The following NAV2 variants were observed in gnomAD, a reference collection of about 807,000 sequenced individuals.
NAV2 encodes neuron navigator 2, also known as helicase, APC down-regulated 1.
NAV2 carries 54 observed loss-of-function variants against 223.2 expected under a neutral mutation model. That is an observed-to-expected ratio of 0.24 (90% CI 0.19 to 0.30). The LOEUF is 0.30. Among genes scored for constraint, NAV2 ranks in the 10% least tolerant of loss-of-function variants. The pLI, the probability that NAV2 is intolerant of heterozygous loss-of-function variation, is 1.00. For synonymous variants in NAV2, 1,279 were observed against 1,239.3 expected, an observed-to-expected ratio of 1.03 and a Z score of -0.67; for missense variants, 2,806 against 3,147.5, an observed-to-expected ratio of 0.89 and a Z score of 2.60.
At chr11:19,920,435 G>A (rs1275959323) in intron 6 of NAV2, among the ~76,000 whole-genome samples, 3 of 152,108 alleles carry the variant, frequency 2.0e-5, no homozygotes, top group African/African-American at 4.8e-5. Flanking sequence ...TTACAGGCGT[G>A]TGCCACCACG....
intron 1 of NAV2, among the ~76,000 whole-genome samples, chr11:19,422,020 G>T (rs770125838): frequency 1.3e-5 from 2 of 152,252 alleles, no homozygotes; most frequent in Admixed American, 6.5e-5. Context: ...GCATCATGGG[G>T]TTGTTATAAG....
At chr11:19,582,393 T>G (rs551237978) in intron 1 of NAV2, among the ~76,000 whole-genome samples, 2,874 of 152,064 alleles carry the variant, frequency 0.019, 45 homozygotes, top group Non-Finnish European at 0.026. Flanking sequence ...GTCAATTTTG[T>G]CTTTTGTTGC....
chr11:20,092,173 C>T, intron 27 of NAV2, 33 bp from the exon 28 acceptor site: 1 of 1,596,574 alleles, frequency 6.3e-7, no homozygotes, highest in Non-Finnish European at 8.6e-7. Context: ...TTACTTCTGC[C>T]TACTAAGGGA....
At chr11:19,757,114 C>T (rs971760293) in intron 1 of NAV2, among the ~76,000 whole-genome samples, 4 of 152,108 alleles carry the variant, frequency 2.6e-5, no homozygotes, top group African/African-American at 9.7e-5. Flanking sequence ...ACTTCAGCGC[C>T]CTGCTCTGAC....
intron 1 of NAV2, among the ~76,000 whole-genome samples, chr11:19,486,248 G>A (rs1479587331): frequency 1.3e-5 from 2 of 152,132 alleles, no homozygotes; most frequent in South Asian, 2.1e-4. Context: ...AAGGTCTTAG[G>A]TGCATCCATT....
At chr11:20,056,302 A>G (rs1004218865) in intron 19 of NAV2, among the ~76,000 whole-genome samples, 5 of 152,322 alleles carry the variant, frequency 3.3e-5, no homozygotes, top group East Asian at 1.9e-4. Flanking sequence ...CCGGCTCACC[A>G]TCTTGGCAGA....
intron 1 of NAV2, among the ~76,000 whole-genome samples, chr11:19,426,371 TCTC>T (rs1216739167): frequency 2.0e-5 from 3 of 152,252 alleles, no homozygotes; most frequent in South Asian, 2.1e-4. Flanking sequence ...TCATCCCTCT[TCTC>T]TGAAAATTTC....
chr11:19,846,409 C>T (rs1343046743), intron 3 of NAV2, among the ~76,000 whole-genome samples: 1 of 152,114 alleles, frequency 6.6e-6, no homozygotes, highest in African/African-American at 2.4e-5. Context: ...CTTTTCAGAC[C>T]TGGGACAAGC....
chr11:19,952,263 A>T (rs1011289627), intron 10 of NAV2, among the ~76,000 whole-genome samples: 9 of 152,230 alleles, frequency 5.9e-5, no homozygotes, highest in Non-Finnish European at 1.3e-4. Flanking sequence ...CTGGGATATC[A>T]TATTGGGCAG....
chr11:20,025,494 C>T (rs564417312), intron 11 of NAV2, among the ~76,000 whole-genome samples: 1 of 152,168 alleles, frequency 6.6e-6, no homozygotes, highest in Admixed American at 6.5e-5. Flanking sequence ...TCAGCAGACA[C>T]GCTGGTGCCT....
At chr11:20,079,663 C>T (rs1323271970) in intron 24 of NAV2, among the ~76,000 whole-genome samples, 1 of 152,154 alleles carries the variant, frequency 6.6e-6, no homozygotes, top group African/African-American at 2.4e-5. Flanking sequence ...ATGAGGCAGG[C>T]ATGGCACTTC....
intron 11 of NAV2, among the ~76,000 whole-genome samples, chr11:19,987,103 G>C (rs559455826): frequency 6.6e-6 from 1 of 152,154 alleles, no homozygotes; most frequent in East Asian, 1.9e-4. Flanking sequence ...GCTGCTTAAG[G>C]TAAGGATAGT....
intron 3 of NAV2, among the ~76,000 whole-genome samples, chr11:19,857,807 C>T (rs2061483081): frequency 6.6e-6 from 1 of 152,162 alleles, no homozygotes; most frequent in Non-Finnish European, 1.5e-5. Flanking sequence ...GTAATTGATA[C>T]TTCAGTTGCC....
chr11:19,588,803 G>A (rs573034033), intron 1 of NAV2, among the ~76,000 whole-genome samples: 1 of 152,250 alleles, frequency 6.6e-6, no homozygotes, highest in Non-Finnish European at 1.5e-5. Context: ...AGCATGGGGT[G>A]TGATGTGGTT....
rs1204696986 is a variant in NAV2, at chr11:19,602,173, C to CTTTTTT, written c.76-230294_76-230289dup. 3.1e-4 allele frequency among the ~76,000 whole-genome samples: 36 copies of CTTTTTT among 116,250 alleles called. 2 individuals carry two copies. The highest frequency in any genetic ancestry group is 9.1e-4 in the African/African-American group (26 of 28,654). The allele number at this position is 116,250 out of a possible 152,430, so 76.3% of individuals were successfully genotyped here. ...AGGCAAGGAGTGCATCTCTACAAGTCTTTTTTTTTTTTTTTTTTTTTTGAG... is the reference window on the plus strand; with the variant it reads ...AGGCAAGGAGTGCATCTCTACAAGTCTTTTTTTTTTTTTTTTTTTTTTTTTTTTGAG... On this transcript the variant is annotated intron_variant, in intron 1 of 37. Transcript: ENST00000360655.
intron 3 of NAV2, among the ~76,000 whole-genome samples, chr11:19,854,098 C>T (rs1000156411): frequency 6.6e-6 from 1 of 152,140 alleles, no homozygotes; most frequent in African/African-American, 2.4e-5. Flanking sequence ...GATTTATAAC[C>T]GTGTGGATTG....
chr11:19,882,149 G>A (rs542131602), intron 5 of NAV2, among the ~76,000 whole-genome samples: 2 of 152,322 alleles, frequency 1.3e-5, no homozygotes, highest in South Asian at 4.1e-4. Context: ...ATCCACCTTT[G>A]CTTCTCTTTG....
intron 1 of NAV2, among the ~76,000 whole-genome samples, chr11:19,409,037 T>G (rs897472854): frequency 3.3e-5 from 5 of 152,082 alleles, no homozygotes; most frequent in African/African-American, 9.7e-5. Context: ...GGAGGATCAG[T>G]GGCAAAGTGA....
chr11:19,797,486 C>T (rs2057984602), intron 1 of NAV2, among the ~76,000 whole-genome samples: 1 of 152,174 alleles, frequency 6.6e-6, no homozygotes, highest in African/African-American at 2.4e-5. Flanking sequence ...CAAGGGTCAA[C>T]TTGTAAATGC....
Sources: gnomAD v4.1 joint callset for allele counts (sites outside exome capture counted in the v4.1 genomes callset) on GRCh38, gnomAD v4.1.1 for gene constraint, MANE v1.5 for transcripts, NCBI Gene and HGNC (gene_info 2026-07-23, HGNC 2026-07-21) for gene names.